Variants in SNX29 observed in about 807,000 individuals in gnomAD.
The protein encoded by SNX29 is sorting nexin-29.
In SNX29, 78 loss-of-function variants were observed where a neutral mutation model predicts 102.1. The observed-to-expected ratio is 0.76, with a 90% CI of 0.64 to 0.92. SNX29 has a LOEUF of 0.92. Ranked by LOEUF, SNX29 falls within the 40% of genes least tolerant of loss-of-function variation. The probability of loss-of-function intolerance (pLI) is 0.00; values close to 1 mark genes in which losing one functional copy is unlikely to be tolerated. For synonymous variants in SNX29, 580 were observed against 414.5 expected (o/e 1.40, Z -4.85); for missense variants, 1,280 against 1,061.7 (o/e 1.21, Z -2.86).
At position 12,569,227 on chromosome 16, in the gene SNX29, T is replaced by C. The variant is rs1211609909; in HGVS notation, c.*598T>C. 1.3e-5 allele frequency: 3 copies of C among 223,934 alleles called. No homozygotes were observed. The highest frequency in any genetic ancestry group is 6.6e-5 in the East Asian group (1 of 15,266). The allele number at this position is 223,934 out of a possible 1,614,324, so 13.9% of individuals were successfully genotyped here. ...GCTCACTTTTCCAGAGGGATATTCC[T>C]GTGGCTTTGGCAAGGAGCCATTAGT... is the stretch of plus-strand genomic sequence containing the variant. On this transcript the variant is annotated 3_prime_UTR_variant, in exon 21 of 21. Coordinates refer to ENST00000566228, the MANE Select transcript of SNX29 (RefSeq NM_032167.5).
At chr16:12,493,751 C>T (rs1049133862) in intron 19 of SNX29, among the ~76,000 whole-genome samples, 2 of 152,152 alleles carry the variant, frequency 1.3e-5, no homozygotes, top group African/African-American at 4.8e-5. Context: ...GCCACCACGC[C>T]CAACTAATTT....
At chr16:12,474,070 G>A (rs1295348728) in intron 18 of SNX29, among the ~76,000 whole-genome samples, 1 of 152,138 alleles carries the variant, frequency 6.6e-6, no homozygotes, top group Non-Finnish European at 1.5e-5. Flanking sequence ...CTGGATTGGA[G>A]CCCCTGTCTG....
chr16:12,505,240 C>G (rs1345669884), intron 19 of SNX29, among the ~76,000 whole-genome samples: 1 of 152,194 alleles, frequency 6.6e-6, no homozygotes, highest in African/African-American at 2.4e-5. Context: ...TCTGTTCAGG[C>G]TGCTGTGAGA....
rs1036845636 is a variant in SNX29, at chr16:12,571,693, A to G, written c.*3064A>G. On this transcript the variant is annotated 3_prime_UTR_variant, in exon 21 of 21. Transcript: ENST00000566228. Reference sequence around the variant, plus strand: ...GGGCAGAGGTGTCTCTCCTTGAGAGACAACAAAAGCTTCTAAGGGAGGGAG... The same window carrying G: ...GGGCAGAGGTGTCTCTCCTTGAGAGGCAACAAAAGCTTCTAAGGGAGGGAG... The G allele has an allele frequency of 9.9e-5, 105 of 1,060,178 alleles. No individual in the cohort carries two copies. Among genetic ancestry groups the G allele is most frequent in the Non-Finnish European group, 1.1e-4 (94 of 876,184 alleles). 65.7% of individuals were successfully genotyped at this position (1,060,178 alleles called of 1,614,324 possible).
At chr16:12,440,540 C>G (rs1053274934) in intron 18 of SNX29, among the ~76,000 whole-genome samples, 1 of 152,166 alleles carries the variant, frequency 6.6e-6, no homozygotes, top group Non-Finnish European at 1.5e-5. Flanking sequence ...TTTCTTCACT[C>G]AGGTATTAAG....
At chr16:12,325,217 G>A (rs1178428493) in intron 15 of SNX29, among the ~76,000 whole-genome samples, 1 of 152,122 alleles carries the variant, frequency 6.6e-6, no homozygotes, top group Non-Finnish European at 1.5e-5. Context: ...CTTCCAGTGT[G>A]ACCCTCTGAA....
At chr16:12,351,182 A>G (rs902349078) in intron 15 of SNX29, among the ~76,000 whole-genome samples, 1 of 150,992 alleles carries the variant, frequency 6.6e-6, no homozygotes, top group African/African-American at 2.4e-5. Context: ...TGGTGCACCT[A>G]ATGCCTATAA....
At chr16:12,198,503 C>T (rs551722061) in intron 13 of SNX29, among the ~76,000 whole-genome samples, 10 of 152,252 alleles carry the variant, frequency 6.6e-5, no homozygotes, top group Admixed American at 2.0e-4. Flanking sequence ...CAGCTCTTCT[C>T]GTTGCAAGGA....
intron 13 of SNX29, chr16:12,135,431 G>T: frequency 9.4e-7 from 1 of 1,066,484 alleles, no homozygotes; most frequent in Non-Finnish European, 1.3e-6. Flanking sequence ...GGACAGTTGG[G>T]TTGCTCCATC....
chr16:12,176,360 C>T (rs1434174717), intron 13 of SNX29, among the ~76,000 whole-genome samples: 4 of 152,154 alleles, frequency 2.6e-5, no homozygotes, highest in East Asian at 1.9e-4. Flanking sequence ...ATAACCTTTC[C>T]GTGCCCCGGT....
chr16:12,153,284 C>G (rs951509031), intron 13 of SNX29, among the ~76,000 whole-genome samples: 1 of 151,952 alleles, frequency 6.6e-6, no homozygotes. Flanking sequence ...ATGGCACATC[C>G]TTTATTTTTA....
Position 12,570,275 on chromosome 16 carries a change from C to G in SNX29, c.*1646C>G. 3 of 1,064,810 alleles carry G rather than the reference C, an allele frequency of 2.8e-6. No homozygotes were observed. Among genetic ancestry groups the G allele is most frequent in the Non-Finnish European group, 2.3e-6 (2 of 878,854 alleles). 66.0% of individuals were successfully genotyped at this position (1,064,810 alleles called of 1,614,324 possible). ...TGGAGCATGTATGGAGGTGCGGACC[C>G]TGCAGTCAGTTTGCGAGTGTGGAGG... On this transcript the variant is annotated 3_prime_UTR_variant, in exon 21 of 21. Transcript: ENST00000566228.
At chr16:12,262,083 C>T (rs1257658760) in intron 14 of SNX29, among the ~76,000 whole-genome samples, 3 of 144,536 alleles carry the variant, frequency 2.1e-5, no homozygotes, top group South Asian at 2.3e-4. Context: ...TCTGTGCGCG[C>T]GTCCCCGGCT....
chr16:12,570,475 A>G lies in SNX29; in HGVS notation c.*1846A>G, dbSNP rs548467799. ...GAGGCAGGAAACGTCTAAAAGCTCA[A>G]TCTGCTGTATGTCATGACCCCTTAG... On this transcript the variant is annotated 3_prime_UTR_variant, in exon 21 of 21. Coordinates refer to ENST00000566228, the MANE Select transcript of SNX29 (RefSeq NM_032167.5). The G allele has an allele frequency of 8.1e-4, 190 of 233,848 alleles. No homozygotes were observed. The highest frequency in any genetic ancestry group is 1.2e-3 in the Non-Finnish European group (145 of 118,734). The allele number at this position is 233,848 out of a possible 1,614,324, so 14.5% of individuals were successfully genotyped here.
chr16:12,014,956 C>A (rs1005909806), intron 3 of SNX29, among the ~76,000 whole-genome samples: 4 of 151,866 alleles, frequency 2.6e-5, no homozygotes, highest in African/African-American at 9.7e-5. Flanking sequence ...TTTCTTTTTA[C>A]TTTTTGGTCA....
intron 11 of SNX29, among the ~76,000 whole-genome samples, chr16:12,089,202 C>T (rs546172050): frequency 4.6e-5 from 7 of 150,918 alleles, no homozygotes; most frequent in African/African-American, 1.7e-4. Flanking sequence ...CACCTGGCAT[C>T]TGCCTGTAGT....
At position 12,570,342 on chromosome 16, in the gene SNX29, T is replaced by G. The variant is rs946612888; in HGVS notation, c.*1713T>G. 3.6e-5 allele frequency: 25 copies of G among 687,606 alleles called. No individual in the cohort carries two copies. Among genetic ancestry groups the G allele is most frequent in the Non-Finnish European group, 4.5e-5 (24 of 534,038 alleles). The allele number at this position is 687,606 out of a possible 1,614,324, so 42.6% of individuals were successfully genotyped here. A position where few individuals can be genotyped will look rare whatever the true frequency, so the allele number is the denominator to read the frequency against. On this transcript the variant is annotated 3_prime_UTR_variant, in exon 21 of 21. Transcript: ENST00000566228. Reference sequence around the variant, plus strand: ...AAAGGCAACTTGGTCTCCCTCCCACTCACCTGCCAACATTGCTGCAATACA... The same window carrying G: ...AAAGGCAACTTGGTCTCCCTCCCACGCACCTGCCAACATTGCTGCAATACA...
chr16:12,140,345 T>C (rs2054826883), intron 13 of SNX29, among the ~76,000 whole-genome samples: 1 of 152,136 alleles, frequency 6.6e-6, no homozygotes, highest in African/African-American at 2.4e-5. Flanking sequence ...TCTGGAGAAG[T>C]CTTGGGATTC....
chr16:12,336,144 AC>A (rs1173878174), intron 15 of SNX29, among the ~76,000 whole-genome samples: 2 of 151,906 alleles, frequency 1.3e-5, no homozygotes, highest in African/African-American at 4.8e-5. Flanking sequence ...ATCACCACAG[AC>A]CCAGAGACAT....
Sources: allele counts gnomAD v4.1 joint callset (sites outside exome capture counted in the v4.1 genomes callset), GRCh38; gene constraint gnomAD v4.1.1; transcripts MANE v1.5; gene names NCBI Gene and HGNC (gene_info 2026-07-23, HGNC 2026-07-21).